The following NCAM1 variants were observed in gnomAD, a reference collection of about 807,000 sequenced individuals.
NCAM1 encodes the protein antigen recognized by monoclonal antibody 5.1H11.
A neutral mutation model predicts 109.8 loss-of-function variants in NCAM1; 14 were observed. The observed-to-expected ratio is 0.13, with a 90% CI of 0.08 to 0.20. The LOEUF (loss-of-function observed/expected upper bound fraction) is 0.20, where lower values mean the gene tolerates loss of function less well. NCAM1 is among the 10% of genes least tolerant of loss of function. The probability of loss-of-function intolerance (pLI) is 1.00; values close to 1 mark genes in which losing one functional copy is unlikely to be tolerated. For missense variants in NCAM1, 774 were observed against 1,109.9 expected (o/e 0.70, Z 4.30); for synonymous variants, 418 against 442.9 (o/e 0.94, Z 0.70).
intron 1 of NCAM1, among the ~76,000 whole-genome samples, chr11:113,138,391 G>A (rs113705743): frequency 3.9e-5 from 6 of 152,356 alleles, no homozygotes; most frequent in African/African-American, 1.4e-4. Flanking sequence ...ATGGGCTTCT[G>A]TCATCTCAGG....
At position 113,277,987 on chromosome 11, in the gene NCAM1, A is replaced by G. The variant is rs1485524931; in HGVS notation, c.*2600A>G. 1 of 150,710 alleles carries G rather than the reference A, an allele frequency of 6.6e-6. No homozygotes were observed. Among genetic ancestry groups the G allele is most frequent in the Non-Finnish European group, 1.5e-5 (1 of 67,824 alleles). 9.3% of individuals were successfully genotyped at this position (150,710 alleles called of 1,614,324 possible). A position where few individuals can be genotyped will look rare whatever the true frequency, so the allele number is the denominator to read the frequency against. ...TTCTTTTTTAATTTTTGAAGGAGGG[A>G]TCAACTCCAGTTTCCAATGTCTATG... On this transcript the variant is annotated 3_prime_UTR_variant, in exon 20 of 20. Coordinates refer to ENST00000316851, the MANE Select transcript of NCAM1 (RefSeq NM_181351.5).
At chr11:113,159,523 A>G (rs1245122) in intron 1 of NCAM1, among the ~76,000 whole-genome samples, 10,537 of 152,242 alleles carry the variant, frequency 0.069, 739 homozygotes, top group African/African-American at 0.17. Flanking sequence ...AGATATTGTG[A>G]AGAAAATGAA....
chr11:113,071,196 G>A (rs1321025112), intron 1 of NCAM1, among the ~76,000 whole-genome samples: 1 of 152,174 alleles, frequency 6.6e-6, no homozygotes, highest in Non-Finnish European at 1.5e-5. Flanking sequence ...ATGAAAAAGA[G>A]CAGGAATGTT....
intron 1 of NCAM1, among the ~76,000 whole-genome samples, chr11:113,033,923 T>G (rs1311327583): frequency 6.6e-6 from 1 of 152,222 alleles, no homozygotes; most frequent in Non-Finnish European, 1.5e-5. Context: ...CTGTGTTTGA[T>G]ATCCGTAAGA....
At position 113,112,957 on chromosome 11, in the gene NCAM1, C is replaced by A. The variant is rs888363710; in HGVS notation, c.53-89422C>A. 5.9e-5 allele frequency among the ~76,000 whole-genome samples: 9 copies of A among 152,098 alleles called. No individual in the cohort carries two copies. In the East Asian group the frequency reaches 1.7e-3, roughly 29 times the overall value. On this transcript the variant is annotated intron_variant, in intron 1 of 19. Transcript: ENST00000316851. ...GACCAGCCTGGCCAACATGGTGAAACCCCGTCTCTACTAAAAATACAAAAA... is the reference window on the plus strand; with the variant it reads ...GACCAGCCTGGCCAACATGGTGAAAACCCGTCTCTACTAAAAATACAAAAA...
chr11:112,966,657 G>A (rs1950735937), intron 1 of NCAM1, among the ~76,000 whole-genome samples: 1 of 152,206 alleles, frequency 6.6e-6, no homozygotes, highest in African/African-American at 2.4e-5. Context: ...TTTGGCGTTG[G>A]CAGTGGTGCC....
chr11:113,135,004 A>G (rs938726470), intron 1 of NCAM1, among the ~76,000 whole-genome samples: 9 of 152,046 alleles, frequency 5.9e-5, no homozygotes, highest in African/African-American at 1.9e-4. Context: ...CTACAGGGCT[A>G]TGGGAACAAG....
At chr11:113,011,624 G>T (rs1014348775) in intron 1 of NCAM1, among the ~76,000 whole-genome samples, 7 of 152,282 alleles carry the variant, frequency 4.6e-5, no homozygotes, top group Admixed American at 4.6e-4. Context: ...TCCAGCATTG[G>T]GGTAGGATTT....
intron 1 of NCAM1, among the ~76,000 whole-genome samples, chr11:113,114,616 T>C (rs1940605797): frequency 6.6e-6 from 1 of 152,220 alleles, no homozygotes; most frequent in Non-Finnish European, 1.5e-5. Flanking sequence ...ACAAGTGTCC[T>C]CTGCAGTGGG....
At chr11:113,227,004 C>T (rs1944872015) in intron 9 of NCAM1, among the ~76,000 whole-genome samples, 1 of 150,750 alleles carries the variant, frequency 6.6e-6, no homozygotes, top group African/African-American at 2.4e-5. Flanking sequence ...GACACCCTAA[C>T]ACCACAATTA....
chr11:113,140,151 G>A lies in NCAM1; in HGVS notation c.53-62228G>A, dbSNP rs192108680. ...CCCATTGTCATGGAAGTACATTTGT[G>A]TGGACTATCTGCCATGTACACAACA... is the stretch of plus-strand genomic sequence containing the variant. On this transcript the variant is annotated intron_variant, in intron 1 of 19. Coordinates refer to ENST00000316851, the MANE Select transcript of NCAM1 (RefSeq NM_181351.5). Among the ~76,000 whole-genome samples, 379 of 152,314 alleles carry A rather than the reference G, an allele frequency of 2.5e-3. 1 individual carries two copies. The highest frequency in any genetic ancestry group is 8.7e-3 in the African/African-American group (360 of 41,550).
intron 1 of NCAM1, among the ~76,000 whole-genome samples, chr11:112,991,960 G>T (rs185914386): frequency 9.5e-4 from 145 of 152,174 alleles, no homozygotes; most frequent in Admixed American, 3.1e-3. Flanking sequence ...AGTCTTTAAG[G>T]CATTAAATAT....
chr11:113,184,283 G>A (rs1394922890), intron 1 of NCAM1, among the ~76,000 whole-genome samples: 1 of 152,178 alleles, frequency 6.6e-6, no homozygotes, highest in East Asian at 1.9e-4. Context: ...TCTCTTGTTG[G>A]GTTCAGCAGG....
At chr11:113,234,979 G>A (rs1206800432) in intron 13 of NCAM1, 54 bp from the exon 14 acceptor site, 26 of 1,510,632 alleles carry the variant, frequency 1.7e-5, no homozygotes, top group Admixed American at 1.1e-4. Flanking sequence ...TTTTCAGAGC[G>A]GCTGCACCAT....
chr11:113,046,242 A>G (rs1056929575), intron 1 of NCAM1, among the ~76,000 whole-genome samples: 2 of 152,220 alleles, frequency 1.3e-5, no homozygotes, highest in Non-Finnish European at 2.9e-5. Flanking sequence ...CATTAATATC[A>G]CCTTGTTTCA....
intron 1 of NCAM1, among the ~76,000 whole-genome samples, chr11:113,032,731 T>C (rs1240110959): frequency 6.6e-6 from 1 of 152,220 alleles, no homozygotes; most frequent in African/African-American, 2.4e-5. Flanking sequence ...TTACAGCTTC[T>C]ACCTGTTGGG....
At chr11:112,995,541 T>C (rs1397916432) in intron 1 of NCAM1, among the ~76,000 whole-genome samples, 1 of 152,212 alleles carries the variant, frequency 6.6e-6, no homozygotes, top group African/African-American at 2.4e-5. Flanking sequence ...TGATATTATG[T>C]AGGAATAGCC....
chr11:113,044,646 C>T (rs1591277507), intron 1 of NCAM1, among the ~76,000 whole-genome samples: 2 of 152,052 alleles, frequency 1.3e-5, no homozygotes, highest in East Asian at 3.9e-4. Context: ...GATCGCGTCA[C>T]TGCACTCCAG....
At chr11:113,020,389 C>A (rs1952347386) in intron 1 of NCAM1, among the ~76,000 whole-genome samples, 1 of 152,122 alleles carries the variant, frequency 6.6e-6, no homozygotes, top group African/African-American at 2.4e-5. Flanking sequence ...ACTTAGCTCA[C>A]CCCTGAGTGT....
Sources: gnomAD v4.1 joint callset for allele counts (sites outside exome capture counted in the v4.1 genomes callset) on GRCh38, gnomAD v4.1.1 for gene constraint, MANE v1.5 for transcripts, NCBI Gene and HGNC (gene_info 2026-07-23, HGNC 2026-07-21) for gene names.